ERN1: variants seen among roughly 807,000 people sequenced by gnomAD.
The protein encoded by ERN1 is endoplasmic reticulum to nucleus signaling 1, also known as serine/threonine-protein kinase/endoribonuclease IRE1.
A neutral mutation model predicts 113.1 loss-of-function variants in ERN1; 39 were observed. That is an observed-to-expected ratio of 0.34 (90% CI 0.27 to 0.45). ERN1 has a LOEUF of 0.45. Ranked by LOEUF, ERN1 falls within the 20% of genes least tolerant of loss-of-function variation. The pLI, the probability that ERN1 is intolerant of heterozygous loss-of-function variation, is 1.00. For synonymous variants in ERN1, 507 were observed against 515.9 expected, an observed-to-expected ratio of 0.98 and a Z score of 0.23; for missense variants, 976 against 1,274.8, an observed-to-expected ratio of 0.77 and a Z score of 3.57.
intron 1 of ERN1, among the ~76,000 whole-genome samples, chr17:64,119,874 G>A (rs1000049197): frequency 6.6e-6 from 1 of 152,074 alleles, no homozygotes; most frequent in Non-Finnish European, 1.5e-5. Context: ...ATTACTTGAA[G>A]GCCTCATCCT....
Position 64,057,791 on chromosome 17 carries a change from T to C in ERN1, c.1398+11A>G, listed in dbSNP as rs117780790. On this transcript the variant is annotated intron_variant, in intron 12 of 21. Transcript: ENST00000433197. ...ATAGGTGGATGGCAAAGGGGAATTG[T>C]TGAGCTTTACCAGGGGATAGGTGAT... 1.1e-4 allele frequency: 171 copies of C among 1,612,580 alleles called. No homozygotes were observed. The East Asian group carries it at 2.9e-3, about 27-fold the overall frequency.
intron 1 of ERN1, among the ~76,000 whole-genome samples, chr17:64,100,457 A>C (rs1158784535): frequency 6.6e-6 from 1 of 152,182 alleles, no homozygotes; most frequent in Non-Finnish European, 1.5e-5. Flanking sequence ...CAAGAAAGTG[A>C]GTTAAACTCT....
chr17:64,083,313 C>G (rs946483682), intron 2 of ERN1, among the ~76,000 whole-genome samples: 1 of 151,904 alleles, frequency 6.6e-6, no homozygotes, highest in African/African-American at 2.4e-5. Context: ...AGAGCATTAT[C>G]TGAAAATGTG....
chr17:64,055,964 C>A lies in ERN1; in HGVS notation c.1399-16G>T. On this transcript the variant is annotated splice_polypyrimidine_tract_variant and intron_variant, in intron 12 of 21. Coordinates refer to ENST00000433197, the MANE Select transcript of ERN1 (RefSeq NM_001433.5). ...GATGCATGCTCTGGGAAGAGAAACC[C>A]ACATCCAGACAAGGGCAGCTGTTCC... 2 of 1,523,674 alleles carry A rather than the reference C, an allele frequency of 1.3e-6. No individual in the cohort carries two copies. The highest frequency in any genetic ancestry group is 1.8e-6 in the Non-Finnish European group (2 of 1,133,922). The allele number at this position is 1,523,674 out of a possible 1,614,324, so 94.4% of individuals were successfully genotyped here. A position where few individuals can be genotyped will look rare whatever the true frequency, so the allele number is the denominator to read the frequency against.
chr17:64,128,615 T>G (rs1180325682), intron 1 of ERN1: 1 of 152,204 alleles, frequency 6.6e-6, no homozygotes, highest in East Asian at 1.9e-4. Context: ...CATTTGGTCA[T>G]TCTGCTTATA....
chr17:64,099,278 T>C (rs1914316289), intron 1 of ERN1, among the ~76,000 whole-genome samples: 1 of 77,254 alleles, frequency 1.3e-5, no homozygotes, highest in Admixed American at 1.0e-4. Context: ...ACTGGACAGA[T>C]TTTTTTTTTT....
rs191348667 is a variant in ERN1 at position 64,099,043 on chromosome 17, C to A, written c.55-802G>T. 7.3e-4 allele frequency among the ~76,000 whole-genome samples: 111 copies of A among 152,234 alleles called. No individual in the cohort carries two copies. In the Middle Eastern group the frequency reaches 0.01, roughly 14 times the overall value. ...AATAACTCCAGAAATGGAAAAAGTT[C>A]TGTGCACAATGATACTCATGACGTC... On this transcript the variant is annotated intron_variant, in intron 1 of 21. Coordinates refer to ENST00000433197, the MANE Select transcript of ERN1 (RefSeq NM_001433.5).
At chr17:64,098,518 CAG>C (rs1237299304) in intron 1 of ERN1, 2 of 634,456 alleles carry the variant, frequency 3.2e-6, no homozygotes, top group Middle Eastern at 2.6e-4. Flanking sequence ...TCCACTGAAA[CAG>C]AGGGGCAAAG....
Position 64,054,913 on chromosome 17 carries a change from C to A in ERN1, c.1673-85G>T. On this transcript the variant is annotated intron_variant, in intron 13 of 21. Coordinates refer to ENST00000433197, the MANE Select transcript of ERN1 (RefSeq NM_001433.5). This position sits in a 1 kb window ranked among gnomAD's most constrained non-coding sequence, Gnocchi z 4.9. ...GTTAACATAGTGACAAGCTTCCTGA[C>A]CTCAGATTAAAAGATGGGATTTAAG... The A allele has an allele frequency of 9.5e-7, 1 of 1,049,788 alleles. No individual in the cohort carries two copies. Among genetic ancestry groups the A allele is most frequent in the South Asian group, 1.5e-5 (1 of 66,856 alleles). 65.0% of individuals were successfully genotyped at this position (1,049,788 alleles called of 1,614,324 possible). A position where few individuals can be genotyped will look rare whatever the true frequency, so the allele number is the denominator to read the frequency against.
intron 7 of ERN1, chr17:64,067,930 A>G (rs1353023070): frequency 5.0e-6 from 2 of 401,178 alleles, no homozygotes; most frequent in Non-Finnish European, 4.6e-6. Context: ...TGTGACATAG[A>G]AAGACTCAAC....
chr17:64,091,707 A>G (rs1262907056), intron 2 of ERN1, among the ~76,000 whole-genome samples: 1 of 151,700 alleles, frequency 6.6e-6, no homozygotes, highest in Non-Finnish European at 1.5e-5. Flanking sequence ...CCTGGTAAGG[A>G]GTTACATGGC....
At position 64,079,675 on chromosome 17, in the gene ERN1, T is replaced by C. The variant is rs1913706822; in HGVS notation, c.269A>G (p.Asn90Ser). ...AAATATACTCACCGTCAGGCCTTCA[T>C]TATTCTTGCTTCCAAGCGTATACAG... ...GSLYTLGSKN[N>S]EGLTKLPFTI... The change falls in exon 4 of 22, where the codon AAT becomes AGT. Residue 90 changes from asparagine to serine, a missense_variant. Asn to Ser is a conservative substitution (Grantham distance 46, BLOSUM62 1). This residue lies in a region of ERN1 where 459 missense variants were observed against 581.2 expected (regional missense o/e 0.79). Coordinates refer to ENST00000433197, the MANE Select transcript of ERN1 (RefSeq NM_001433.5). 1.2e-6 allele frequency: 2 copies of C among 1,613,796 alleles called. No homozygotes were observed. The highest frequency in any genetic ancestry group is 2.2e-5 in the East Asian group (1 of 44,890).
intron 15 of ERN1, 140 bp from the exon 16 acceptor site, chr17:64,053,511 A>G: frequency 2.0e-6 from 1 of 493,732 alleles, no homozygotes; most frequent in Non-Finnish European, 3.3e-6. Context: ...TTTTCCAGCA[A>G]GGAGCAAACC....
In ERN1 at chr17:64,072,027, T is replaced by C; in HGVS notation, c.432A>G (p.Ala144=). 1.2e-6 allele frequency: 2 copies of C among 1,600,388 alleles called. No individual in the cohort carries two copies. The highest frequency in any genetic ancestry group is 1.1e-5 in the South Asian group (1 of 88,492). ...GAGAGGTTGATGGGCAGAGACTATC[T>C]GCAAAGGCCGATGACAAAGTCTGCT... ...EKQQTLSSAF[A]DSLCPSTSLL... Residue 144 remains alanine, a synonymous_variant, in exon 6 of 22, where the codon GCA becomes GCG. Transcript: ENST00000433197.
At chr17:64,064,637 G>C (rs1486647304) in intron 9 of ERN1, among the ~76,000 whole-genome samples, 1 of 152,184 alleles carries the variant, frequency 6.6e-6, no homozygotes, top group African/African-American at 2.4e-5. Context: ...AAGCATTGTA[G>C]GGATCAGGAC....
At chr17:64,093,037 T>A (rs1429497622) in intron 2 of ERN1, among the ~76,000 whole-genome samples, 1 of 152,100 alleles carries the variant, frequency 6.6e-6, no homozygotes, top group Non-Finnish European at 1.5e-5. Context: ...CTCTATTACG[T>A]ATAATTTGCC....
At chr17:64,058,138 T>C (rs1456809983) in intron 11 of ERN1, 145 bp from the exon 12 acceptor site, 7 of 656,762 alleles carry the variant, frequency 1.1e-5, no homozygotes, top group Non-Finnish European at 1.5e-5. Flanking sequence ...CCAAAGATCA[T>C]GTAGCCAGAT....
At position 64,044,977 on chromosome 17, in the gene ERN1, C is replaced by T. The variant is rs1415244420; in HGVS notation, c.2654-50G>A. ...TGGGTAATCAAATTTAAAACTAATA[C>T]ATTTTAAAAGAAAACAATTCATGGG... is the stretch of plus-strand genomic sequence containing the variant. On this transcript the variant is annotated intron_variant, in intron 20 of 21. Transcript: ENST00000433197. This position sits in a 1 kb window ranked among gnomAD's most constrained non-coding sequence, Gnocchi z 4.1. 1 of 1,317,750 alleles carries T rather than the reference C, an allele frequency of 7.6e-7. No homozygotes were observed. Among genetic ancestry groups the T allele is most frequent in the East Asian group, 2.5e-5 (1 of 40,382 alleles). The allele number at this position is 1,317,750 out of a possible 1,614,324, so 81.6% of individuals were successfully genotyped here.
At position 64,045,453 on chromosome 17, in the gene ERN1, G is replaced by C. The variant is rs1172832163; in HGVS notation, c.2559C>G (p.Ser853=). 2.5e-6 allele frequency: 4 copies of C among 1,613,800 alleles called. No individual in the cohort carries two copies. Among genetic ancestry groups the C allele is most frequent in the Non-Finnish European group, 3.4e-6 (4 of 1,179,884 alleles). ...QDVSDRIEKE[S]LDGPIVKQLE... ...ACTGCTTCACGATCGGGCCATCCAG[G>C]GATTCCTTTTCTATTCTGTCGCTCA... The change falls in exon 20 of 22, where the codon TCC becomes TCG. Residue 853 remains serine (S), a synonymous_variant. Coordinates refer to ENST00000433197, the MANE Select transcript of ERN1 (RefSeq NM_001433.5).
Sources: allele counts gnomAD v4.1 joint callset (sites outside exome capture counted in the v4.1 genomes callset), GRCh38; gene constraint gnomAD v4.1.1; regional missense constraint gnomAD v4.1.1; non-coding constraint Gnocchi (gnomAD v3.1); transcripts MANE v1.5; gene names NCBI Gene and HGNC (gene_info 2026-07-23, HGNC 2026-07-21).